CLSTN1: variants seen among roughly 807,000 people sequenced by gnomAD.
The protein encoded by CLSTN1 is calsyntenin 1.
Under a neutral mutation model 108.3 loss-of-function variants are expected in CLSTN1, and 28 were observed. That is an observed-to-expected ratio of 0.26 (90% confidence interval 0.19 to 0.35). The LOEUF is 0.35. Among genes scored for constraint, CLSTN1 ranks in the 10% least tolerant of loss-of-function variants. CLSTN1 has a pLI of 1.00. For missense variants in CLSTN1, 1,157 were observed against 1,302.6 expected (o/e 0.89, Z 1.72); for synonymous variants, 524 against 534.9 (o/e 0.98, Z 0.28).
At chr1:9,751,252 C>G (rs927590143) in intron 5 of CLSTN1, among the ~76,000 whole-genome samples, 1 of 151,972 alleles carries the variant, frequency 6.6e-6, no homozygotes, top group African/African-American at 2.4e-5. Flanking sequence ...GAGGTGAGCC[C>G]CACAAGAGAA....
In CLSTN1 at chr1:9,749,800, T is replaced by C. The variant is rs780320305; in HGVS notation, c.763A>G (p.Ile255Val). 6.2e-7 allele frequency: 1 copy of C among 1,614,210 alleles called. No homozygotes were observed. Among genetic ancestry groups the C allele is most frequent in the Non-Finnish European group, 8.5e-7 (1 of 1,180,034 alleles). Residue 255 changes from isoleucine to valine, a missense_variant, in exon 6 of 19, where the codon ATC becomes GTC. Coordinates refer to ENST00000377298, the MANE Select transcript of CLSTN1 (RefSeq NM_001009566.3). ...GGGGTGCAGGTGGGCTTAATGCTGA[T>C]CTTCACCAAAACATCTTCTGTGGCT... ...KRATEDVLVKISIKPTCTPGW... is the reference protein window; with the variant it reads ...KRATEDVLVKVSIKPTCTPGW...
intron 2 of CLSTN1, among the ~76,000 whole-genome samples, chr1:9,757,119 T>A (rs1188318349): frequency 6.6e-6 from 1 of 151,954 alleles, no homozygotes; most frequent in African/African-American, 2.4e-5. Flanking sequence ...AAACCATGAA[T>A]AAGTACATCT....
chr1:9,750,101 T>G, intron 5 of CLSTN1, 188 bp from the exon 6 acceptor site: 1 of 559,632 alleles, frequency 1.8e-6, no homozygotes, highest in Non-Finnish European at 3.2e-6. Flanking sequence ...AAATCCATCC[T>G]GAAGAGTTTC....
At chr1:9,762,715 T>C (rs1652141534) in intron 2 of CLSTN1, among the ~76,000 whole-genome samples, 1 of 150,520 alleles carries the variant, frequency 6.6e-6, no homozygotes, top group African/African-American at 2.5e-5. Flanking sequence ...GCACTCGGCC[T>C]TGGTGCCCGC....
rs555571455 is a variant in CLSTN1, at chr1:9,733,483, G to A, written c.2345C>T (p.Ala782Val). The change falls in exon 16 of 19, where the codon GCC (alanine) becomes GTC (valine). Residue 782 changes from alanine (A) to valine (V), a missense_variant. Transcript: ENST00000377298. ...AAACTTCCGGTCAAGCAAGGACCTG[G>A]CATGCCAGTTCCGATAGCGCAGCAG... ...LHLLRYRNWH[A>V]RSLLDRKFKL... 4 of 1,614,194 alleles carry A rather than the reference G, an allele frequency of 2.5e-6. No homozygotes were observed. In the African/African-American group the frequency reaches 5.3e-5, roughly 22 times the overall value.
At chr1:9,737,026 C>A (rs1322238170) in intron 11 of CLSTN1, among the ~76,000 whole-genome samples, 2 of 151,966 alleles carry the variant, frequency 1.3e-5, no homozygotes, top group African/African-American at 4.8e-5. Context: ...TGAGCCAAGA[C>A]CGCGCCACTG....
rs12044833 is a variant in CLSTN1, at chr1:9,744,817, G to A, written c.986-174C>T. Among the ~76,000 whole-genome samples, 12 of 152,000 alleles carry A rather than the reference G, an allele frequency of 7.9e-5. No individual in the cohort carries two copies. In the East Asian group the frequency reaches 2.1e-3, roughly 27 times the overall value. On this transcript the variant is annotated intron_variant, in intron 7 of 18. Coordinates refer to ENST00000377298, the MANE Select transcript of CLSTN1 (RefSeq NM_001009566.3). ...TCCCCAGGCTGGAGTACAGTGGCGC[G>A]ATCTCGGTTCATTGCAACCTCCACC...
At chr1:9,819,406 A>G (rs1458642325) in intron 1 of CLSTN1, among the ~76,000 whole-genome samples, 1 of 152,220 alleles carries the variant, frequency 6.6e-6, no homozygotes, top group African/African-American at 2.4e-5. Context: ...TCCTGCAGCT[A>G]GTGTTACGAA....
rs1655287800 is a variant in CLSTN1, at chr1:9,823,796, C to T, written c.-63G>A. 1 of 873,846 alleles carries T rather than the reference C, an allele frequency of 1.1e-6. No individual in the cohort carries two copies. Among genetic ancestry groups the T allele is most frequent in the Non-Finnish European group, 1.4e-6 (1 of 720,382 alleles). 54.1% of individuals were successfully genotyped at this position (873,846 alleles called of 1,614,324 possible). ...GACGCCGAGCGGAGCTCTCGGAGCTCTCGGGGCTCTAGGGGCCTGGGGCTA... is the reference window on the plus strand; with the variant it reads ...GACGCCGAGCGGAGCTCTCGGAGCTTTCGGGGCTCTAGGGGCCTGGGGCTA... On this transcript the variant is annotated 5_prime_UTR_variant, in exon 1 of 19. Coordinates refer to ENST00000377298, the MANE Select transcript of CLSTN1 (RefSeq NM_001009566.3). The surrounding 1 kb of genome is among the most constrained non-coding windows in gnomAD (Gnocchi z 6.3).
At chr1:9,745,553 A>G (rs1651217337) in intron 7 of CLSTN1, among the ~76,000 whole-genome samples, 1 of 151,780 alleles carries the variant, frequency 6.6e-6, no homozygotes, top group African/African-American at 2.4e-5. Flanking sequence ...GCTACTTGGG[A>G]GGCTGAGATG....
rs375488055 is a variant in CLSTN1, at chr1:9,744,532, T to C, written c.1097A>G (p.Asn366Ser). ...GHDSDQVFEF[N>S]GTQAVRIPDG... Reference sequence around the variant, plus strand: ...CGGGATCCTCACTGCCTGGGTGCCGTTGAACTCAAACACCTGGTCGCTGTC... The same window carrying C: ...CGGGATCCTCACTGCCTGGGTGCCGCTGAACTCAAACACCTGGTCGCTGTC... The change falls in exon 8 of 19, where the codon AAC (asparagine) becomes AGC (serine). Residue 366 changes from asparagine to serine, a missense_variant. By Grantham distance (46) the Asn-to-Ser change is conservative. Transcript: ENST00000377298. The C allele has an allele frequency of 9.1e-5, 147 of 1,612,956 alleles. 2 individuals are homozygous for C. The highest frequency in any genetic ancestry group is 5.0e-5 in the Admixed American group (3 of 59,864).
chr1:9,770,385 A>T (rs1652612266), intron 2 of CLSTN1, among the ~76,000 whole-genome samples: 1 of 152,250 alleles, frequency 6.6e-6, no homozygotes, highest in Non-Finnish European at 1.5e-5. Context: ...TATTTCATTG[A>T]TAAGACTTTT....
At chr1:9,824,208 G>A (rs2101373566), upstream of CLSTN1, 1 of 150,312 alleles carries the variant, frequency 6.7e-6, no homozygotes, top group Non-Finnish European at 1.5e-5. This position sits in a 1 kb window ranked among gnomAD's most constrained non-coding sequence, Gnocchi z 5.0. Flanking sequence ...CGCCTGGGGT[G>A]GGTTCCGAGC....
chr1:9,791,830 G>A (rs1420825534), intron 1 of CLSTN1, among the ~76,000 whole-genome samples: 1 of 151,152 alleles, frequency 6.6e-6, no homozygotes, highest in African/African-American at 2.4e-5. Context: ...CACCACATGC[G>A]GCCCCAAATC....
At position 9,733,508 on chromosome 1, in the gene CLSTN1, G is replaced by A. The variant is rs780236040; in HGVS notation, c.2320C>T (p.Leu774=). 3.1e-6 allele frequency: 5 copies of A among 1,614,178 alleles called. No individual in the cohort carries two copies. Among genetic ancestry groups the A allele is most frequent in the South Asian group, 2.2e-5 (2 of 91,078 alleles). The stretch of plus-strand genomic sequence containing the variant: ...GCATGCCAGTTCCGATAGCGCAGCA[G>A]GTGCAAAACCTCCTCGTAGCTGGCC... The part of the protein sequence containing the change: ...TMASYEEVLH[L]LRYRNWHARS... Residue 774 remains leucine (L), a synonymous_variant, in exon 16 of 19, where the codon CTG becomes TTG. Transcript: ENST00000377298.
At position 9,730,802 on chromosome 1, in the gene CLSTN1, G is replaced by C; in HGVS notation, c.2749-97C>G. The C allele has an allele frequency of 8.4e-7, 1 of 1,191,494 alleles. No homozygotes were observed. Among genetic ancestry groups the C allele is most frequent in the Non-Finnish European group, 1.2e-6 (1 of 838,260 alleles). 73.8% of individuals were successfully genotyped at this position (1,191,494 alleles called of 1,614,324 possible). A position where few individuals can be genotyped will look rare whatever the true frequency, so the allele number is the denominator to read the frequency against. On this transcript the variant is annotated intron_variant, in intron 18 of 18. Transcript: ENST00000377298. This position sits in a 1 kb window ranked among gnomAD's most constrained non-coding sequence, Gnocchi z 5.6. ...GACAGCCACAGAGGAAGGAGAACTT[G>C]CCCCAGCGTCTCCCTCCCCAGCGAC...
intron 1 of CLSTN1, among the ~76,000 whole-genome samples, chr1:9,774,544 C>T (rs1652844738): frequency 6.6e-6 from 1 of 151,180 alleles, no homozygotes; most frequent in African/African-American, 2.4e-5. Context: ...CCAGACTGGG[C>T]GACAGAGTGA....
At chr1:9,779,036 A>AAAGAAG (rs550799833) in intron 1 of CLSTN1, among the ~76,000 whole-genome samples, 31 of 151,340 alleles carry the variant, frequency 2.0e-4, no homozygotes, top group Admixed American at 1.4e-3. Flanking sequence ...AAAAAAAAAA[A>AAAGAAG]AAGAAGAAGA....
At chr1:9,813,943 CA>C (rs971394055) in intron 1 of CLSTN1, among the ~76,000 whole-genome samples, 2 of 149,914 alleles carry the variant, frequency 1.3e-5, no homozygotes, top group South Asian at 2.1e-4. Context: ...ACTAAAAATA[CA>C]AAAAAAAATT....
Sources: allele counts gnomAD v4.1 joint callset (sites outside exome capture counted in the v4.1 genomes callset), GRCh38; gene constraint gnomAD v4.1.1; non-coding constraint Gnocchi (gnomAD v3.1); transcripts MANE v1.5; gene names NCBI Gene and HGNC (gene_info 2026-07-23, HGNC 2026-07-21).